Variants in FTCDNL1 observed in about 807,000 individuals in gnomAD.
The protein encoded by FTCDNL1 is formiminotransferase cyclodeaminase N-terminal like.
In FTCDNL1, 11 loss-of-function variants were observed where a neutral mutation model predicts 5.9. That is an observed-to-expected ratio of 1.87 (90% CI 1.18 to 3.10). FTCDNL1 has a LOEUF of 3.10. Ranked by LOEUF, FTCDNL1 falls within the 30% of genes most tolerant of loss-of-function variation. The pLI is 0.00. For synonymous variants in FTCDNL1, 58 were observed against 24.8 expected (o/e 2.34, Z -3.99); for missense variants, 115 against 65.5 (o/e 1.76, Z -2.61).
chr2:199,797,109 A>G (rs1700211585), intron 3 of FTCDNL1, among the ~76,000 whole-genome samples: 1 of 152,264 alleles, frequency 6.6e-6, no homozygotes, highest in Non-Finnish European at 1.5e-5. Flanking sequence ...ATGGATGCTT[A>G]TAAGCGATAG....
downstream of FTCDNL1, among the ~76,000 whole-genome samples, chr2:199,806,273 C>G (rs1057246804): frequency 6.6e-6 from 1 of 152,142 alleles, no homozygotes; most frequent in Non-Finnish European, 1.5e-5. Context: ...TCCTAACCCC[C>G]CAAGCACAAC....
At chr2:199,684,081 G>T in the FTCDNL1 span, among the ~76,000 whole-genome samples, 3 of 152,210 alleles carry the variant, frequency 2.0e-5, no homozygotes, top group Non-Finnish European at 4.4e-5. Flanking sequence ...ACTGTCTGTT[G>T]TTACCACTTG....
At chr2:199,747,536 A>G in the FTCDNL1 span, among the ~76,000 whole-genome samples, 1 of 102,372 alleles carries the variant, frequency 9.8e-6, no homozygotes, top group East Asian at 3.5e-4. Flanking sequence ...CCCCCTCCCA[A>G]TCATTTTATT....
At chr2:199,806,563 G>A (rs943865715), downstream of FTCDNL1, among the ~76,000 whole-genome samples, 2 of 152,114 alleles carry the variant, frequency 1.3e-5, no homozygotes, top group African/African-American at 4.8e-5. Flanking sequence ...TGTTGACCAC[G>A]GACGCCACTT....
chr2:199,739,909 C>A, the FTCDNL1 span, among the ~76,000 whole-genome samples: 2 of 152,128 alleles, frequency 1.3e-5, no homozygotes, highest in Non-Finnish European at 2.9e-5. Context: ...AGTATGGGCT[C>A]TGGAGGGCCT....
At chr2:199,825,367 C>T (rs748738369) in intron 3 of FTCDNL1, among the ~76,000 whole-genome samples, 19 of 152,016 alleles carry the variant, frequency 1.2e-4, no homozygotes, top group Non-Finnish European at 2.5e-4. Flanking sequence ...GGCCACAGCT[C>T]CTGGAATGGG....
rs1698400073 is a variant in FTCDNL1, at chr2:199,764,150, T to A, written c.212-3315A>T. Among the ~76,000 whole-genome samples the A allele has an allele frequency of 2.0e-5, 3 of 152,348 alleles. No individual in the cohort carries two copies. In the South Asian group the frequency reaches 6.2e-4, roughly 32 times the overall value. The stretch of plus-strand genomic sequence containing the variant: ...AGCCACTGCACCTGGCCTGGAATAT[T>A]TATTTAACAAATATTGTCATGGCAC... On this transcript the variant is annotated intron_variant, in intron 3 of 3. Transcript: ENST00000416668.
chr2:199,669,434 G>A, the FTCDNL1 span, among the ~76,000 whole-genome samples: 11 of 152,146 alleles, frequency 7.2e-5, no homozygotes, highest in East Asian at 3.9e-4. Flanking sequence ...GGACCCTCCC[G>A]CCTCTCCTCA....
the FTCDNL1 span, among the ~76,000 whole-genome samples, chr2:199,699,429 G>C: frequency 6.6e-6 from 1 of 152,076 alleles, no homozygotes; most frequent in Non-Finnish European, 1.5e-5. Context: ...ACTCCAGCGT[G>C]GGTGTTAGAG....
chr2:199,694,552 A>G, the FTCDNL1 span, among the ~76,000 whole-genome samples: 1 of 152,170 alleles, frequency 6.6e-6, no homozygotes, highest in Non-Finnish European at 1.5e-5. Context: ...CTAGCCATGC[A>G]CAGAGACTCA....
chr2:199,727,448 T>G, the FTCDNL1 span, among the ~76,000 whole-genome samples: 3 of 152,244 alleles, frequency 2.0e-5, no homozygotes, highest in Non-Finnish European at 4.4e-5. Context: ...TGCACAGATC[T>G]GTGGCAAAAG....
At chr2:199,819,411 A>G in intron 4 of FTCDNL1, 161 bp downstream of exon 4, 1 of 596,662 alleles carries the variant, frequency 1.7e-6, no homozygotes. Context: ...TTAGCTTAAA[A>G]GGGCCTGGGT....
chr2:199,783,964 A>G (rs769401414), intron 3 of FTCDNL1, among the ~76,000 whole-genome samples: 30 of 152,282 alleles, frequency 2.0e-4, no homozygotes, highest in Non-Finnish European at 3.8e-4. Flanking sequence ...ATTCAAGATG[A>G]TAAGTGCATC....
In FTCDNL1 at chr2:199,798,059, C is replaced by A. The variant is rs563128025; in HGVS notation, c.212-37224G>T. Among the ~76,000 whole-genome samples, 7 of 152,356 alleles carry A rather than the reference C, an allele frequency of 4.6e-5. No homozygotes were observed. In the East Asian group the frequency reaches 7.7e-4, roughly 17 times the overall value. On this transcript the variant is annotated intron_variant, in intron 3 of 3. Transcript: ENST00000416668. Reference sequence around the variant, plus strand: ...TATGAGGAATTGTGATGTCTCTACCCTCTTTCCCCAGCCTCACACATAAGT... The same window carrying A: ...TATGAGGAATTGTGATGTCTCTACCATCTTTCCCCAGCCTCACACATAAGT...
the FTCDNL1 span, among the ~76,000 whole-genome samples, chr2:199,684,356 T>C: frequency 2.0e-5 from 3 of 152,326 alleles, no homozygotes; most frequent in South Asian, 6.2e-4. Context: ...TGAAGACAGA[T>C]GGCGCTATAA....
At chr2:199,843,963 A>AG (rs1553554887) in intron 3 of FTCDNL1, among the ~76,000 whole-genome samples, 1 of 148,128 alleles carries the variant, frequency 6.8e-6, no homozygotes, top group Non-Finnish European at 1.5e-5. Context: ...AAAAAAAAAA[A>AG]GTCAAAGGAA....
chr2:199,767,593 G>A (rs1299652789), intron 3 of FTCDNL1, among the ~76,000 whole-genome samples: 1 of 152,138 alleles, frequency 6.6e-6, no homozygotes, highest in African/African-American at 2.4e-5. Flanking sequence ...AGGCCATGGG[G>A]GATCTGCATT....
chr2:199,835,052 C>T (rs956147859), intron 3 of FTCDNL1, among the ~76,000 whole-genome samples: 34 of 152,070 alleles, frequency 2.2e-4, no homozygotes, highest in Non-Finnish European at 3.5e-4. Context: ...GTGATACATG[C>T]CTGTAGTCCT....
chr2:199,710,785 AC>A, the FTCDNL1 span, among the ~76,000 whole-genome samples: 1 of 152,116 alleles, frequency 6.6e-6, no homozygotes, highest in Non-Finnish European at 1.5e-5. Flanking sequence ...CATTCTATGA[AC>A]TTGAATCATC....
Sources: gnomAD v4.1 joint callset for allele counts (sites outside exome capture counted in the v4.1 genomes callset) on GRCh38, gnomAD v4.1.1 for gene constraint, MANE v1.5 for transcripts, NCBI Gene and HGNC (gene_info 2026-07-23, HGNC 2026-07-21) for gene names.